Variants in BACH2 observed in about 807,000 individuals in gnomAD.
The protein encoded by BACH2 is transcription regulator protein BACH2.
BACH2 carries 5 observed loss-of-function variants against 61.8 expected under a neutral mutation model. That is an observed-to-expected ratio of 0.08 (90% confidence interval 0.04 to 0.17). BACH2 has a LOEUF of 0.17. Among genes scored for constraint, BACH2 ranks in the 10% least tolerant of loss-of-function variants. The pLI, the probability that BACH2 is intolerant of heterozygous loss-of-function variation, is 1.00. For missense variants in BACH2, 824 were observed against 1,091.1 expected, an observed-to-expected ratio of 0.76 and a Z score of 3.45; for synonymous variants, 446 against 440.1, an observed-to-expected ratio of 1.01 and a Z score of -0.17.
rs1018236768 is a variant in BACH2 at position 90,289,755 on chromosome 6, G to A, written c.-446+6725C>T. ...GGCCTGCTGGCCATGGGTTGGACAA[G>A]CTTGGAATAATCTTCGGGCCACAGA... On this transcript the variant is annotated intron_variant, in intron 1 of 8. Coordinates refer to ENST00000257749, the MANE Select transcript of BACH2 (RefSeq NM_021813.4). Among the ~76,000 whole-genome samples, 3 of 152,214 alleles carry A rather than the reference G, an allele frequency of 2.0e-5. No homozygotes were observed. In the South Asian group the frequency reaches 6.2e-4, roughly 32 times the overall value.
chr6:90,027,881 C>A (rs750933848), intron 5 of BACH2, among the ~76,000 whole-genome samples: 2 of 152,172 alleles, frequency 1.3e-5, no homozygotes, highest in Non-Finnish European at 1.5e-5. Flanking sequence ...AAGTTAATTT[C>A]TTTGCACATT....
intron 6 of BACH2, among the ~76,000 whole-genome samples, chr6:89,988,621 AG>A: frequency 6.6e-6 from 1 of 152,350 alleles, no homozygotes; most frequent in Middle Eastern, 3.4e-3. Flanking sequence ...CAAGTAGAAG[AG>A]TTGGAGGACG....
chr6:90,241,730 G>A (rs1351270558), intron 3 of BACH2, among the ~76,000 whole-genome samples: 1 of 151,958 alleles, frequency 6.6e-6, no homozygotes, highest in African/African-American at 2.4e-5. Context: ...GTATGCCACA[G>A]GAAGTTGCCA....
intron 3 of BACH2, among the ~76,000 whole-genome samples, chr6:90,217,540 T>C (rs959430277): frequency 6.6e-6 from 1 of 152,198 alleles, no homozygotes; most frequent in Non-Finnish European, 1.5e-5. Context: ...CTGTTTTTCT[T>C]TCTGTTTTCA....
rs1188489969 is a variant in BACH2 at position 89,927,457 on chromosome 6, G to T, written c.*4951C>A. 1 of 152,782 alleles carries T rather than the reference G, an allele frequency of 6.5e-6. No individual in the cohort carries two copies. Among genetic ancestry groups the T allele is most frequent in the Non-Finnish European group, 1.5e-5 (1 of 68,040 alleles). 9.5% of individuals were successfully genotyped at this position (152,782 alleles called of 1,614,324 possible). ...TCTGATTATTCCCATGGGAGCACTT[G>T]GCACTGAATGTGAGTCTACCTGAAA... is the stretch of plus-strand genomic sequence containing the variant. On this transcript the variant is annotated 3_prime_UTR_variant, in exon 9 of 9. Transcript: ENST00000257749.
In BACH2 at chr6:90,014,479, T is replaced by A. The variant is rs867244886; in HGVS notation, c.-12-5623A>T. ...ATATATATATATATATTTTTTTTTT[T>A]TTTTTTTTTTTTTTAGACAGATTCT... On this transcript the variant is annotated intron_variant, in intron 5 of 8. Transcript: ENST00000257749. Among the ~76,000 whole-genome samples, 959 of 116,292 alleles carry A rather than the reference T, an allele frequency of 8.2e-3. 2 individuals are homozygous for A. Among genetic ancestry groups the A allele is most frequent in the Non-Finnish European group, 0.013 (742 of 56,970 alleles). The allele number at this position is 116,292 out of a possible 152,430, so 76.3% of individuals were successfully genotyped here. A position where few individuals can be genotyped will look rare whatever the true frequency, so the allele number is the denominator to read the frequency against.
intron 4 of BACH2, among the ~76,000 whole-genome samples, chr6:90,170,529 T>TAA (rs756076065): frequency 1.3e-5 from 2 of 152,186 alleles, no homozygotes; most frequent in Non-Finnish European, 2.9e-5. Context: ...GACTGATTCT[T>TAA]AAAGACCTTT....
chr6:90,231,775 G>A (rs1051561353), intron 3 of BACH2, among the ~76,000 whole-genome samples: 6 of 152,328 alleles, frequency 3.9e-5, no homozygotes, highest in Non-Finnish European at 7.3e-5. Flanking sequence ...GCAAATCACT[G>A]TGTATTCTAA....
At position 90,145,837 on chromosome 6, in the gene BACH2, T is replaced by C. The variant is rs117971017; in HGVS notation, c.-161-56728A>G. The stretch of plus-strand genomic sequence containing the variant: ...CACAGAGAGGTAAAACACATGGGTT[T>C]AAGTAAGAGAAGACAGTGTAGAAGG... On this transcript the variant is annotated intron_variant, in intron 4 of 8. Transcript: ENST00000257749. 8.2e-4 allele frequency among the ~76,000 whole-genome samples: 125 copies of C among 152,286 alleles called. No individual in the cohort carries two copies. The East Asian group carries it at 0.019, about 24-fold the overall frequency.
rs1554220437 is a variant in BACH2, at chr6:89,959,097, G to GCGCACACACACA, written c.244-7236_244-7235insTGTGTGTGTGCG. Among the ~76,000 whole-genome samples, 6 of 134,484 alleles carry GCGCACACACACA rather than the reference G, an allele frequency of 4.5e-5. No homozygotes were observed. The East Asian group carries it at 9.3e-4, about 21-fold the overall frequency. 88.2% of individuals were successfully genotyped at this position (134,484 alleles called of 152,430 possible). ...GTCAATAACACATGCATGCACAAGTGCACACACACACACACACACACACAC... is the reference window on the plus strand; with the variant it reads ...GTCAATAACACATGCATGCACAAGTGCGCACACACACACACACACACACACACACACACACAC... On this transcript the variant is annotated intron_variant, in intron 6 of 8. Coordinates refer to ENST00000257749, the MANE Select transcript of BACH2 (RefSeq NM_021813.4).
chr6:90,113,327 T>A (rs207265), intron 4 of BACH2, among the ~76,000 whole-genome samples: 72,688 of 151,976 alleles, frequency 0.48, 17,941 homozygotes, highest in African/African-American at 0.56. Context: ...ACAAGGCACA[T>A]ACTCTAAAAT....
chr6:90,007,945 G>C (rs1777502910), intron 6 of BACH2: 1 of 153,840 alleles, frequency 6.5e-6, no homozygotes, highest in Non-Finnish European at 1.4e-5. Context: ...ACCATTTAAT[G>C]GTTTGCCATT....
intron 5 of BACH2, among the ~76,000 whole-genome samples, chr6:90,083,112 A>ATCCC (rs1781791547): frequency 6.6e-6 from 1 of 152,142 alleles, no homozygotes. Flanking sequence ...AGCTAATGGG[A>ATCCC]CATCCTTGGA....
intron 5 of BACH2, among the ~76,000 whole-genome samples, chr6:90,084,622 C>T (rs1781855572): frequency 6.6e-6 from 1 of 151,666 alleles, no homozygotes; most frequent in Admixed American, 6.6e-5. Flanking sequence ...TTTCCAATAC[C>T]TAAGTGAAAA....
At chr6:90,246,088 ACAG>A (rs1301625103) in intron 3 of BACH2, among the ~76,000 whole-genome samples, 1 of 152,298 alleles carries the variant, frequency 6.6e-6, no homozygotes. Context: ...AACACAATGA[ACAG>A]TGGGTCCTTC....
At chr6:90,023,433 C>T (rs1655610940) in intron 5 of BACH2, among the ~76,000 whole-genome samples, 1 of 152,274 alleles carries the variant, frequency 6.6e-6, no homozygotes, top group Non-Finnish European at 1.5e-5. Flanking sequence ...CACATGAAGA[C>T]GCCTGCTCCA....
intron 1 of BACH2, among the ~76,000 whole-genome samples, chr6:90,287,284 G>C (rs1470167999): frequency 6.6e-6 from 1 of 152,232 alleles, no homozygotes; most frequent in Non-Finnish European, 1.5e-5. Context: ...CTTGTGGTAT[G>C]TCAAATTGGG....
intron 5 of BACH2, among the ~76,000 whole-genome samples, chr6:90,011,892 C>T (rs1445375429): frequency 2.0e-5 from 3 of 149,036 alleles, no homozygotes; most frequent in African/African-American, 7.4e-5. Flanking sequence ...TGCACTCCAG[C>T]CTGGGTGACA....
At chr6:90,161,086 CAAAA>C (rs11390042) in intron 4 of BACH2, among the ~76,000 whole-genome samples, 2 of 105,220 alleles carry the variant, frequency 1.9e-5, no homozygotes, top group South Asian at 3.4e-4. Context: ...GACTCCGTCT[CAAAA>C]AAAAAAAAAA....
Sources: allele counts gnomAD v4.1 joint callset (sites outside exome capture counted in the v4.1 genomes callset), GRCh38; gene constraint gnomAD v4.1.1; transcripts MANE v1.5; gene names NCBI Gene and HGNC (gene_info 2026-07-23, HGNC 2026-07-21).